The following SZT2 variants were observed in gnomAD, a reference collection of about 807,000 sequenced individuals.
The protein encoded by SZT2 is SZT2 subunit of KICSTOR complex.
A neutral mutation model predicts 404.2 loss-of-function variants in SZT2; 216 were observed. The observed-to-expected ratio is 0.53, with a 90% CI of 0.48 to 0.60. SZT2 has a LOEUF of 0.60. Among genes scored for constraint, SZT2 ranks in the 20% least tolerant of loss-of-function variants. The pLI is 0.00. For synonymous variants in SZT2, 1,693 were observed against 1,749.9 expected (o/e 0.97, Z 0.81); for missense variants, 3,857 against 4,459.2 (o/e 0.86, Z 3.85).
At chr1:43,391,729 C>T (rs1199663013) in intron 1 of SZT2, among the ~76,000 whole-genome samples, 1 of 152,118 alleles carries the variant, frequency 6.6e-6, no homozygotes, top group Non-Finnish European at 1.5e-5. Context: ...CAACACCGTC[C>T]TGTAGAAATC....
At position 43,391,961 on chromosome 1, in the gene SZT2, G is replaced by A. The variant is rs1648410334; in HGVS notation, c.27+1966G>A. On this transcript the variant is annotated intron_variant, in intron 1 of 71. Coordinates refer to ENST00000634258, the MANE Select transcript of SZT2 (RefSeq NM_001365999.1). ...TAGCTGGGCGTGGTGGCGGGCGCCT[G>A]TAGTCCCAGCTACTCGGGAGGCTGA... 2.9e-5 allele frequency among the ~76,000 whole-genome samples: 2 copies of A among 68,538 alleles called. 1 individual carries two copies. Among genetic ancestry groups the A allele is most frequent in the Non-Finnish European group, 6.1e-5 (2 of 32,866 alleles). 45.0% of individuals were successfully genotyped at this position (68,538 alleles called of 152,430 possible).
chr1:43,427,958 C>T, intron 26 of SZT2, 45 bp from the exon 27 acceptor site: 2 of 1,538,252 alleles, frequency 1.3e-6, no homozygotes, highest in Non-Finnish European at 1.8e-6. Flanking sequence ...TGTGAGGTAT[C>T]ACTTAAGGGA....
chr1:43,442,597 C>G lies in SZT2; in HGVS notation c.8130C>G (p.Asp2710Glu). 1 of 1,606,886 alleles carries G rather than the reference C, an allele frequency of 6.2e-7. No homozygotes were observed. Among genetic ancestry groups the G allele is most frequent in the Non-Finnish European group, 8.5e-7 (1 of 1,175,124 alleles). The change falls in exon 58 of 72, where the codon GAC (aspartate) becomes GAG (glutamate). Residue 2710 changes from aspartate to glutamate, a missense_variant. Physicochemically the swap from Asp to Glu is conservative, Grantham distance 45 (BLOSUM62 2). This residue lies in a region of SZT2 where 573 missense variants were observed against 592.4 expected (regional missense o/e 0.97). Transcript: ENST00000634258. This position sits in a 1 kb window ranked among gnomAD's most constrained non-coding sequence, Gnocchi z 4.5. ...LGLFHHYGQL[D>E]FPVRDEKEPN... ...TCTTCCATCATTATGGCCAGTTGGACTTCCCCGTGCGAGATGAAAAGGTGC... is the reference window on the plus strand; with the variant it reads ...TCTTCCATCATTATGGCCAGTTGGAGTTCCCCGTGCGAGATGAAAAGGTGC...
intron 1 of SZT2, among the ~76,000 whole-genome samples, chr1:43,400,556 C>T (rs1230015175): frequency 6.6e-6 from 1 of 152,120 alleles, no homozygotes; most frequent in Non-Finnish European, 1.5e-5. Flanking sequence ...GTTGTGAATA[C>T]TGAATGAGCT....
intron 46 of SZT2, 50 bp from the exon 47 acceptor site, chr1:43,438,649 A>G (rs772337717): frequency 1.3e-6 from 2 of 1,557,880 alleles, no homozygotes; most frequent in Non-Finnish European, 1.8e-6. Context: ...CTATGGAGGT[A>G]GCTGGATCCT....
Position 43,415,109 on chromosome 1 carries a change from C to G in SZT2, c.526C>G (p.Pro176Ala), listed in dbSNP as rs750818049. ...GCTGGTACAGGGCTGCCTCTTGGAC[C>G]CTTCCCAGCGGGAGGTGTTCCTGCA... Reference protein sequence around the residue: ...QVLVQGCLLDPSQREVFLQQI... With the variant: ...QVLVQGCLLDASQREVFLQQI... The change falls in exon 5 of 72, where the codon CCT (proline) becomes GCT (alanine). Residue 176 changes from proline (P) to alanine (A), a missense_variant. Pro to Ala is a conservative substitution (Grantham distance 27, BLOSUM62 -1). Coordinates refer to ENST00000634258, the MANE Select transcript of SZT2 (RefSeq NM_001365999.1). 4.1e-5 allele frequency: 65 copies of G among 1,597,964 alleles called. No homozygotes were observed. The highest frequency in any genetic ancestry group is 1.6e-4 in the Middle Eastern group (1 of 6,070).
Position 43,425,826 on chromosome 1 carries a change from T to C in SZT2, c.2815-9T>C. ...GGTTGACTCCTGACCTCTGATGTTC[T>C]TCCTGTAGCTCCACCCACGGGATGC... On this transcript the variant is annotated splice_polypyrimidine_tract_variant and intron_variant, in intron 19 of 71. Transcript: ENST00000634258. The surrounding 1 kb of genome is among the most constrained non-coding windows in gnomAD (Gnocchi z 4.3). 6.2e-7 allele frequency: 1 copy of C among 1,613,162 alleles called. No homozygotes were observed. Among genetic ancestry groups the C allele is most frequent in the Non-Finnish European group, 8.5e-7 (1 of 1,179,256 alleles).
chr1:43,448,439 A>G lies in SZT2; in HGVS notation c.9924A>G (p.Leu3308=). 6.2e-7 allele frequency: 1 copy of G among 1,606,916 alleles called. No individual in the cohort carries two copies. Residue 3308 remains leucine (L), a synonymous_variant, in exon 69 of 72, where the codon CTA becomes CTG. Transcript: ENST00000634258. The surrounding 1 kb of genome is among the most constrained non-coding windows in gnomAD (Gnocchi z 4.2). ...CCCTGGCAGAGCTGGAGGAACTCCT[A>G]GAAGCAGTCCATGCCAAATCCATTG... ...RLALAELEEL[L]EAVHAKSIGD...
In SZT2 at chr1:43,439,885, G is replaced by GA; in HGVS notation, c.7049dup (p.Asn2350LysfsTer17). On this transcript the variant is annotated frameshift_variant, in exon 51 of 72. Coordinates refer to ENST00000634258, the MANE Select transcript of SZT2 (RefSeq NM_001365999.1). LOFTEE classifies it high-confidence loss of function. The surrounding 1 kb of genome is among the most constrained non-coding windows in gnomAD (Gnocchi z 4.2). ...GTGTCCCTGTTCTCCTTCCAGCTCAGAATGGGGCCCCACGGCTTCGATTGG... is the reference window on the plus strand; with the variant it reads ...GTGTCCCTGTTCTCCTTCCAGCTCAGAAATGGGGCCCCACGGCTTCGATTGG... 6.3e-7 allele frequency: 1 copy of GA among 1,593,358 alleles called. No homozygotes were observed. The highest frequency in any genetic ancestry group is 8.6e-7 in the Non-Finnish European group (1 of 1,169,466).
chr1:43,423,113 G>C lies in SZT2; in HGVS notation c.2052G>C (p.Leu684Phe). 6.3e-7 allele frequency: 1 copy of C among 1,593,118 alleles called. No individual in the cohort carries two copies. The highest frequency in any genetic ancestry group is 8.5e-7 in the Non-Finnish European group (1 of 1,177,468). The part of the protein sequence containing the change: ...APARHKIVSG[L>F]REEILRLRFP... ...TTTCCCCTCAGATTGTGTCAGGCTT[G>C]AGGGAAGAGATCCTGCGGCTGCGTT... Residue 684 changes from leucine to phenylalanine, a missense_variant, in exon 15 of 72, where the codon TTG (leucine) becomes TTC (phenylalanine). Around this residue, in one of 7 missense-constraint regions of SZT2, gnomAD observed 1,725 missense variants for 1,881.0 expected, o/e 0.92. Transcript: ENST00000634258.
rs1472749281 is a variant in SZT2 at position 43,422,218 on chromosome 1, C to G, written c.1762C>G (p.His588Asp). 6.3e-7 allele frequency: 1 copy of G among 1,582,762 alleles called. No individual in the cohort carries two copies. Among genetic ancestry groups the G allele is most frequent in the Non-Finnish European group, 8.6e-7 (1 of 1,167,936 alleles). The change falls in exon 12 of 72, where the codon CAT becomes GAT. Residue 588 changes from histidine (H) to aspartate (D), a missense_variant. Physicochemically the swap from His to Asp is moderately conservative, Grantham distance 81. This residue lies in a region of SZT2 where 1,725 missense variants were observed against 1,881.0 expected (regional missense o/e 0.92). Coordinates refer to ENST00000634258, the MANE Select transcript of SZT2 (RefSeq NM_001365999.1). ...HMHRLVLILE[H>D]DTPIPKHLHT... ...GCATCGCCTGGTGCTAATCCTGGAG[C>G]ATGACACGTGGGTGCCCTTAGGGCT...
At chr1:43,427,475 G>A (rs1448357808) in intron 25 of SZT2, 30 bp downstream of exon 25, 2 of 1,612,426 alleles carry the variant, frequency 1.2e-6, no homozygotes, top group African/African-American at 2.7e-5. Context: ...GTGGGCAGGA[G>A]TGGGAGTGGG....
intron 25 of SZT2, 31 bp downstream of exon 25, chr1:43,427,476 T>C: frequency 6.2e-7 from 1 of 1,608,586 alleles, no homozygotes; most frequent in Non-Finnish European, 8.5e-7. Flanking sequence ...TGGGCAGGAG[T>C]GGGAGTGGGA....
At chr1:43,406,679 T>C (rs374939207) in intron 4 of SZT2, 5 of 152,400 alleles carry the variant, frequency 3.3e-5, no homozygotes, top group African/African-American at 1.2e-4. Flanking sequence ...CTTTATTCTA[T>C]GGGGGAGTTC....
intron 1 of SZT2, among the ~76,000 whole-genome samples, chr1:43,394,745 G>A (rs1330419660): frequency 6.6e-6 from 1 of 152,092 alleles, no homozygotes; most frequent in African/African-American, 2.4e-5. Flanking sequence ...GGGCGTGGTG[G>A]CGCATGCCTG....
chr1:43,417,964 C>T (rs989966922), intron 7 of SZT2, among the ~76,000 whole-genome samples: 11 of 152,158 alleles, frequency 7.2e-5, no homozygotes, highest in Non-Finnish European at 8.8e-5. Flanking sequence ...GAAAATTTTA[C>T]TGGATCTTTC....
At chr1:43,410,909 G>A (rs981285646) in intron 4 of SZT2, among the ~76,000 whole-genome samples, 1 of 151,784 alleles carries the variant, frequency 6.6e-6, no homozygotes, top group Admixed American at 6.6e-5. Flanking sequence ...TTGGGGGTTG[G>A]GGGGGGATCT....
chr1:43,403,257 C>G lies in SZT2; in HGVS notation c.108C>G (p.Leu36=). The G allele has an allele frequency of 6.2e-7, 1 of 1,614,038 alleles. No homozygotes were observed. The highest frequency in any genetic ancestry group is 8.5e-7 in the Non-Finnish European group (1 of 1,180,034). Residue 36 remains leucine (L), a synonymous_variant, in exon 2 of 72, where the codon CTC becomes CTG. Transcript: ENST00000634258. ...GAAATGTTCGCCTGGCTTGGTTCCT[C>G]AGTCATCTGCACCAAACTGTGCAGG... The part of the protein sequence containing the change: ...ISRNVRLAWF[L]SHLHQTVQAT...
Position 43,426,239 on chromosome 1 carries a change from A to T in SZT2, c.3043+88A>T. On this transcript the variant is annotated intron_variant, in intron 21 of 71. Transcript: ENST00000634258. The surrounding 1 kb of genome is among the most constrained non-coding windows in gnomAD (Gnocchi z 4.9). ...AAAATAACAAACAGATGGGTCAGCA[A>T]GTGAGCAGATGAGTGGTGGGGGCAG... 1 of 1,518,714 alleles carries T rather than the reference A, an allele frequency of 6.6e-7. No homozygotes were observed. Among genetic ancestry groups the T allele is most frequent in the Non-Finnish European group, 8.9e-7 (1 of 1,121,420 alleles). The allele number at this position is 1,518,714 out of a possible 1,614,324, so 94.1% of individuals were successfully genotyped here. A position where few individuals can be genotyped will look rare whatever the true frequency, so the allele number is the denominator to read the frequency against.
Sources: gnomAD v4.1 joint callset for allele counts (sites outside exome capture counted in the v4.1 genomes callset) on GRCh38, gnomAD v4.1.1 for gene constraint, gnomAD v4.1.1 regional missense constraint, Gnocchi (gnomAD v3.1) non-coding constraint, MANE v1.5 for transcripts, NCBI Gene and HGNC (gene_info 2026-07-23, HGNC 2026-07-21) for gene names.